The following PRSS22 variants were observed in gnomAD, a reference collection of about 807,000 sequenced individuals.
The protein encoded by PRSS22 is brain-specific serine protease 4.
A neutral mutation model predicts 28.0 loss-of-function variants in PRSS22; 26 were observed. The ratio of observed to expected loss-of-function variants is 0.93; its 90% CI spans 0.68 to 1.29. The LOEUF (loss-of-function observed/expected upper bound fraction) is 1.29. PRSS22 is among the 50% of genes most tolerant of loss of function. The probability of loss-of-function intolerance (pLI) is 0.00; values close to 1 mark genes in which losing one functional copy is unlikely to be tolerated. For synonymous variants in PRSS22, 217 were observed against 177.9 expected, an observed-to-expected ratio of 1.22 and a Z score of -1.75; for missense variants, 444 against 422.1, an observed-to-expected ratio of 1.05 and a Z score of -0.46.
intron 2 of PRSS22, among the ~76,000 whole-genome samples, 161 bp from the exon 3 acceptor site, chr16:2,856,414 A>G (rs2069457494): frequency 1.3e-5 from 2 of 151,002 alleles, no homozygotes; most frequent in African/African-American, 4.9e-5. Context: ...TCCAAGCTCC[A>G]CCCACACCCC....
At position 2,855,992 on chromosome 16, in the gene PRSS22, C is replaced by T. The variant is rs34519074; in HGVS notation, c.281+90G>A. The T allele has an allele frequency of 2.7e-5, 42 of 1,534,940 alleles. No individual in the cohort carries two copies. In the East Asian group the frequency reaches 5.0e-4, roughly 18 times the overall value. Reference sequence around the variant, plus strand: ...GGGGCACCAAGATTGAACAGAGGCCCGGAAGCAGAGCCTGTAAAGGGAGCC... The same window carrying T: ...GGGGCACCAAGATTGAACAGAGGCCTGGAAGCAGAGCCTGTAAAGGGAGCC... On this transcript the variant is annotated intron_variant, in intron 3 of 5. Transcript: ENST00000161006.
At position 2,853,278 on chromosome 16, in the gene PRSS22, C is replaced by G. The variant is rs1156747458; in HGVS notation, c.769G>C (p.Ala257Pro). The stretch of plus-strand genomic sequence containing the variant: ...CCCTCGCCCCAGCTGATGATGCCGG[C>G]CAGCAGCCAGGCGCCGTCCACCTGG... ...MCQVDGAWLL[A>P]GIISWGEGCA... is the part of the protein sequence containing the mutation. Residue 257 changes from alanine (A) to proline (P), a missense_variant, in exon 6 of 6, where the codon GCC becomes CCC. Ala to Pro is a conservative substitution (Grantham distance 27, BLOSUM62 -1). Transcript: ENST00000161006. The surrounding 1 kb of genome is among the most constrained non-coding windows in gnomAD (Gnocchi z 4.6). 9 of 1,599,926 alleles carry G rather than the reference C, an allele frequency of 5.6e-6. No individual in the cohort carries two copies. The highest frequency in any genetic ancestry group is 1.7e-6 in the Non-Finnish European group (2 of 1,179,602).
chr16:2,856,889 C>G, intron 1 of PRSS22, 41 bp from the exon 2 acceptor site: 3 of 1,550,726 alleles, frequency 1.9e-6, no homozygotes, highest in Non-Finnish European at 1.7e-6. Context: ...GGTGAGGGGC[C>G]CCAGGACACA....
rs1384478855 is a variant in PRSS22 at position 2,857,302 on chromosome 16, GGAGGGGTCCCCAGCGCCCAGTGAC to G, written c.83-478_83-455del. The G allele has an allele frequency of 6.5e-5, 16 of 247,440 alleles. 1 individual carries two copies. Among genetic ancestry groups the G allele is most frequent in the African/African-American group, 1.7e-4 (6 of 35,504 alleles). 15.3% of individuals were successfully genotyped at this position (247,440 alleles called of 1,614,324 possible). On this transcript the variant is annotated intron_variant, in intron 1 of 5. Transcript: ENST00000161006. ...AGGAGGGCTCCCCAGCGCCCAGTGA[GGAGGGGTCCCCAGCGCCCAGTGAC>G]GAGGGGGTCCCAGCGCTCAGTGAGG...
intron 4 of PRSS22, 96 bp from the exon 5 acceptor site, chr16:2,854,118 C>T (rs2069433440): frequency 1.1e-5 from 16 of 1,422,728 alleles, no homozygotes; most frequent in South Asian, 2.5e-5. Context: ...CTCTCAGCAG[C>T]GGTTCTCAAA....
chr16:2,853,231 G>A lies in PRSS22; in HGVS notation c.816C>T (p.Pro272=), dbSNP rs773989106. ...WGEGCAERNR[P]GVYISLSAHR... ...GCGCAGAGAGGCTGATGTAGACCCC[G>A]GGCCTGTTGCGCTCGGCACAGCCCT... Residue 272 remains proline, a synonymous_variant, in exon 6 of 6, where the codon CCC becomes CCT. Transcript: ENST00000161006. This position sits in a 1 kb window ranked among gnomAD's most constrained non-coding sequence, Gnocchi z 4.6. 3.7e-6 allele frequency: 6 copies of A among 1,600,780 alleles called. No individual in the cohort carries two copies. The highest frequency in any genetic ancestry group is 3.3e-5 in the South Asian group (3 of 91,074).
At chr16:2,857,698 A>G (rs9938663) in intron 1 of PRSS22, 244 of 227,282 alleles carry the variant, frequency 1.1e-3, no homozygotes, top group African/African-American at 5.0e-3. Flanking sequence ...CTCCTGCGGC[A>G]GGAACAACAC....
In PRSS22 at chr16:2,858,137, C is replaced by T. The variant is rs2069481077; in HGVS notation, c.-33G>A. ...GGGGCGGGGGAGCAGGCAGCAGGCT[C>T]GAGAGACCCAGGGCGATGCGGGTCA... On this transcript the variant is annotated 5_prime_UTR_variant, in exon 1 of 6. Transcript: ENST00000161006. 2 of 1,255,202 alleles carry T rather than the reference C, an allele frequency of 1.6e-6. No individual in the cohort carries two copies. The highest frequency in any genetic ancestry group is 2.0e-6 in the Non-Finnish European group (2 of 993,986). 77.8% of individuals were successfully genotyped at this position (1,255,202 alleles called of 1,614,324 possible). A position where few individuals can be genotyped will look rare whatever the true frequency, so the allele number is the denominator to read the frequency against.
chr16:2,856,848 G>A lies in PRSS22; in HGVS notation c.83C>T (p.Ala28Val). 6.4e-7 allele frequency: 1 copy of A among 1,551,822 alleles called. No individual in the cohort carries two copies. The highest frequency in any genetic ancestry group is 8.7e-7 in the Non-Finnish European group (1 of 1,147,038). Residue 28 changes from alanine to valine, a missense_variant and splice_region_variant, in exon 2 of 6, where the codon GCC (alanine) becomes GTC (valine). Physicochemically the swap from Ala to Val is moderately conservative, Grantham distance 64 (BLOSUM62 0). Coordinates refer to ENST00000161006, the MANE Select transcript of PRSS22 (RefSeq NM_022119.4). The part of the protein sequence containing the change: ...FTSLLLLAST[A>V]ILNAARIPVP... ...AGGTATCCTGGCCGCATTGAGGATG[G>A]CTGAGGGCAAGAGAAGGAAACGGTT... is the stretch of plus-strand genomic sequence containing the variant.
chr16:2,856,907 G>A, intron 1 of PRSS22, 59 bp from the exon 2 acceptor site: 1 of 1,544,560 alleles, frequency 6.5e-7, no homozygotes, highest in Non-Finnish European at 8.8e-7. Context: ...ACAGTGGTGA[G>A]GGGCCCTCAA....
At chr16:2,856,962 A>G in intron 1 of PRSS22, 114 bp from the exon 2 acceptor site, 2 of 1,259,848 alleles carry the variant, frequency 1.6e-6, no homozygotes, top group East Asian at 2.5e-5. Flanking sequence ...AAGGGATCCC[A>G]GTGCCCAGTG....
chr16:2,857,616 C>A, intron 1 of PRSS22: 1 of 167,132 alleles, frequency 6.0e-6, no homozygotes, highest in Non-Finnish European at 1.3e-5. Context: ...CCAGGACCGG[C>A]TCCTCGAGGG....
chr16:2,856,180 C>A lies in PRSS22; in HGVS notation c.183G>T (p.Trp61Cys). The A allele has an allele frequency of 6.2e-7, 1 of 1,613,858 alleles. No individual in the cohort carries two copies. The highest frequency in any genetic ancestry group is 8.5e-7 in the Non-Finnish European group (1 of 1,179,952). ...VGGEDSTDSE[W>C]PWIVSIQKNG... The stretch of plus-strand genomic sequence containing the variant: ...TCTTCTGGATGCTCACGATCCAGGG[C>A]CACTCGCTGTCAGTGCTGTCCTCGC... The change falls in exon 3 of 6, where the codon TGG becomes TGT. Residue 61 changes from tryptophan (W) to cysteine (C), a missense_variant. Trp to Cys is a radical substitution (Grantham distance 215). Coordinates refer to ENST00000161006, the MANE Select transcript of PRSS22 (RefSeq NM_022119.4).
intron 4 of PRSS22, among the ~76,000 whole-genome samples, chr16:2,855,130 T>G (rs976317653): frequency 1.3e-5 from 2 of 151,906 alleles, no homozygotes; most frequent in African/African-American, 4.8e-5. Context: ...GGTGGATTGC[T>G]TGAGCCCAAC....
intron 1 of PRSS22, among the ~76,000 whole-genome samples, chr16:2,857,347 T>C (rs2069471063): frequency 7.7e-6 from 1 of 129,656 alleles, no homozygotes. Context: ...CAGCGCTCAG[T>C]GAGGAGGGGG....
intron 4 of PRSS22, 164 bp from the exon 5 acceptor site, chr16:2,854,186 C>T: frequency 1.4e-6 from 1 of 717,948 alleles, no homozygotes; most frequent in Non-Finnish European, 2.3e-6. Flanking sequence ...ATTGAAATTC[C>T]AGGTCTCCAC....
chr16:2,853,886 C>A lies in PRSS22; in HGVS notation c.696G>T (p.Glu232Asp). 1.2e-6 allele frequency: 2 copies of A among 1,614,124 alleles called. No individual in the cohort carries two copies. Among genetic ancestry groups the A allele is most frequent in the East Asian group, 2.2e-5 (1 of 44,878 alleles). ...TEDMLCAGYL[E>D]GERDACLGDS... ...TCACCAGACAAGCATCCCGCTCCCC[C>A]TCCAAGTAGCCGGCACACAGCATGT... Residue 232 changes from glutamate (E) to aspartate (D), a missense_variant, in exon 5 of 6, where the codon GAG (glutamate) becomes GAT (aspartate). Physicochemically the swap from Glu to Asp is conservative, Grantham distance 45 (BLOSUM62 2). Coordinates refer to ENST00000161006, the MANE Select transcript of PRSS22 (RefSeq NM_022119.4). The surrounding 1 kb of genome is among the most constrained non-coding windows in gnomAD (Gnocchi z 4.6).
At position 2,852,823 on chromosome 16, in the gene PRSS22, C is replaced by CA; in HGVS notation, c.*269dup. On this transcript the variant is annotated 3_prime_UTR_variant, in exon 6 of 6. Transcript: ENST00000161006. ...TAAAAATCATTAACATTTATATACA[C>CA]AAAAGCGCTGGGGCCCGGGGCGGGG... 2 of 416,344 alleles carry CA rather than the reference C, an allele frequency of 4.8e-6. No individual in the cohort carries two copies. Among genetic ancestry groups the CA allele is most frequent in the Non-Finnish European group, 3.9e-6 (1 of 255,008 alleles). 25.8% of individuals were successfully genotyped at this position (416,344 alleles called of 1,614,324 possible).
Position 2,853,130 on chromosome 16 carries a change from G to T in PRSS22, c.917C>A (p.Ala306Glu), listed in dbSNP as rs534752476. ...GGCGGCCCCAGAGCCCTGGCTCGGTGCCCTGAGGGCCCCACCCCCCTGAGC... is the reference window on the plus strand; with the variant it reads ...GGCGGCCCCAGAGCCCTGGCTCGGTTCCCTGAGGGCCCCACCCCCCTGAGC... ...GRAQGGGALRAPSQGSGAAAR... is the reference protein window; with the variant it reads ...GRAQGGGALREPSQGSGAAAR... Residue 306 changes from alanine to glutamate, a missense_variant, in exon 6 of 6, where the codon GCA becomes GAA. Ala to Glu is a moderately radical substitution (Grantham distance 107, BLOSUM62 -1). Coordinates refer to ENST00000161006, the MANE Select transcript of PRSS22 (RefSeq NM_022119.4). The surrounding 1 kb of genome is among the most constrained non-coding windows in gnomAD (Gnocchi z 4.6). 8 of 1,596,548 alleles carry T rather than the reference G, an allele frequency of 5.0e-6. No individual in the cohort carries two copies. In the East Asian group the frequency reaches 1.6e-4, roughly 31 times the overall value.
Sources: allele counts gnomAD v4.1 joint callset (sites outside exome capture counted in the v4.1 genomes callset), GRCh38; gene constraint gnomAD v4.1.1; non-coding constraint Gnocchi (gnomAD v3.1); transcripts MANE v1.5; gene names NCBI Gene and HGNC (gene_info 2026-07-23, HGNC 2026-07-21).